The following SMTN variants were observed in gnomAD, a reference collection of about 807,000 sequenced individuals.
SMTN encodes the protein smoothelin.
SMTN carries 58 observed loss-of-function variants against 102.0 expected under a neutral mutation model. The observed-to-expected ratio is 0.57, with a 90% CI of 0.46 to 0.71. The LOEUF is 0.71. Among genes scored for constraint, SMTN ranks in the 30% least tolerant of loss-of-function variants. The probability of loss-of-function intolerance (pLI) is 0.00; values close to 1 mark genes in which losing one functional copy is unlikely to be tolerated. For missense variants in SMTN, 1,185 were observed against 1,241.7 expected (o/e 0.95, Z 0.69); for synonymous variants, 478 against 497.9 (o/e 0.96, Z 0.53).
chr22:31,071,694 CTCTT>C (rs1455351053), intron 1 of SMTN, among the ~76,000 whole-genome samples: 25 of 136,816 alleles, frequency 1.8e-4, no homozygotes, highest in African/African-American at 3.1e-4. Flanking sequence ...CTCTCTCTCT[CTCTT>C]TTTTTTTTTT....
At position 31,087,968 on chromosome 22, in the gene SMTN, G is replaced by C; in HGVS notation, c.55G>C (p.Glu19Gln). The C allele has an allele frequency of 1.9e-6, 3 of 1,589,528 alleles. No individual in the cohort carries two copies. Among genetic ancestry groups the C allele is most frequent in the Non-Finnish European group, 2.6e-6 (3 of 1,163,696 alleles). The change falls in exon 3 of 21, where the codon GAG becomes CAG. Residue 19 changes from glutamate to glutamine, a missense_variant. Glu to Gln is a conservative substitution (Grantham distance 29). Around this residue, in one of 2 missense-constraint regions of SMTN, gnomAD observed 1,096 missense variants for 1,112.7 expected, o/e 0.98. Transcript: ENST00000333137. ...LDEGALRKLL[E>Q]VTADLAERRR... ...CTGCCTCTCGCACCCACTGCAGCTG[G>C]AGGTCACAGCAGATCTGGCAGAGCG...
chr22:31,081,686 G>T (rs1166771772), intron 1 of SMTN, among the ~76,000 whole-genome samples: 1 of 152,240 alleles, frequency 6.6e-6, no homozygotes, highest in Non-Finnish European at 1.5e-5. Flanking sequence ...AGAAACCCTG[G>T]GGAAGCTGCC....
chr22:31,079,736 G>A (rs1246092464), upstream of SMTN, among the ~76,000 whole-genome samples: 1 of 152,186 alleles, frequency 6.6e-6, no homozygotes, highest in African/African-American at 2.4e-5. Context: ...GTGTAGCATT[G>A]ACAAGTCGCT....
rs748157575 is a variant in SMTN at position 31,093,766 on chromosome 22, C to G, written c.1633-1537C>G. 1.8e-5 allele frequency: 28 copies of G among 1,589,126 alleles called. No homozygotes were observed. In the African/African-American group the frequency reaches 2.9e-4, roughly 17 times the overall value. On this transcript the variant is annotated intron_variant, in intron 11 of 20. Transcript: ENST00000333137. ...CGAGCTGCTCCTGGCTGCCGCCGAC[C>G]CCGAGGCCCTCTTTCAGGCTGCCGA... is the stretch of plus-strand genomic sequence containing the variant.
chr22:31,085,264 A>C (rs1016649256), intron 2 of SMTN: 1 of 1,516,234 alleles, frequency 6.6e-7, no homozygotes, highest in African/African-American at 1.4e-5. Flanking sequence ...CTACCTGGCT[A>C]CCCCTTCGGC....
chr22:31,098,676 C>T lies in SMTN; in HGVS notation c.2169C>T (p.Asp723=), dbSNP rs1184032790. Residue 723 remains aspartate, a synonymous_variant, in exon 17 of 21, where the codon GAC becomes GAT. Transcript: ENST00000333137. ...SSSKKMGSIF[D]REDQASPRAG... ...CCTCCCCAACCCCTAGCATCTTCGA[C>T]CGCGAGGACCAGGCCAGCCCACGGG... 6.2e-7 allele frequency: 1 copy of T among 1,613,212 alleles called. No individual in the cohort carries two copies. The highest frequency in any genetic ancestry group is 1.3e-5 in the African/African-American group (1 of 74,924).
At chr22:31,090,239 T>C in intron 8 of SMTN, 59 bp downstream of exon 8, 2 of 1,419,142 alleles carry the variant, frequency 1.4e-6, no homozygotes, top group Non-Finnish European at 9.7e-7. Flanking sequence ...CTGCCTCCCT[T>C]TCCCTGCCTA....
chr22:31,083,084 G>A (rs2042419037), intron 1 of SMTN, 95 bp from the exon 2 acceptor site: 7 of 1,501,198 alleles, frequency 4.7e-6, no homozygotes, highest in South Asian at 3.6e-5. Context: ...AGTAATGGAC[G>A]CTCCTAGGTT....
chr22:31,086,869 TA>T (rs528670966), intron 2 of SMTN, among the ~76,000 whole-genome samples: 4 of 152,170 alleles, frequency 2.6e-5, no homozygotes, highest in Non-Finnish European at 5.9e-5. Context: ...TGCTGAAAAC[TA>T]TCTCCATCCC....
At position 31,098,771 on chromosome 22, in the gene SMTN, T is replaced by G; in HGVS notation, c.2264T>G (p.Leu755Arg). ...AAAGAGCTGATGAAGGCGCAGAGTC[T>G]GCCCAAGACCTCAGCCTCCCAGGCG... ...KKKELMKAQS[L>R]PKTSASQARK... The change falls in exon 17 of 21, where the codon CTG becomes CGG. Residue 755 changes from leucine (L) to arginine (R), a missense_variant. By Grantham distance (102) the Leu-to-Arg change is moderately radical. Around this residue, in one of 2 missense-constraint regions of SMTN, gnomAD observed 1,096 missense variants for 1,112.7 expected, o/e 0.98. Transcript: ENST00000333137. 4 of 1,613,182 alleles carry G rather than the reference T, an allele frequency of 2.5e-6. No individual in the cohort carries two copies. Among genetic ancestry groups the G allele is most frequent in the Non-Finnish European group, 2.5e-6 (3 of 1,179,862 alleles).
chr22:31,089,569 T>C, intron 6 of SMTN, 130 bp from the exon 7 acceptor site: 1 of 800,506 alleles, frequency 1.2e-6, no homozygotes, highest in Non-Finnish European at 2.0e-6. Flanking sequence ...CAGGTGTGCC[T>C]ACAGGAAGCC....
intron 17 of SMTN, 49 bp downstream of exon 17, chr22:31,098,889 A>G: frequency 8.2e-7 from 1 of 1,219,372 alleles, no homozygotes; most frequent in Non-Finnish European, 1.2e-6. Context: ...CGTGATAGGC[A>G]GTGGGGGGCG....
upstream of SMTN, chr22:31,080,312 G>A (rs2042243057): frequency 6.6e-6 from 1 of 152,244 alleles, no homozygotes; most frequent in South Asian, 2.1e-4. Context: ...ATGAATCACA[G>A]CTTTACTACT....
At chr22:31,098,140 G>A (rs927261608) in intron 16 of SMTN, among the ~76,000 whole-genome samples, 2 of 152,148 alleles carry the variant, frequency 1.3e-5, no homozygotes, top group South Asian at 2.1e-4. Context: ...AGAACCAAAG[G>A]GGTCCAGAGA....
At chr22:31,076,494 CT>C (rs1198215755), upstream of SMTN, among the ~76,000 whole-genome samples, 2 of 152,230 alleles carry the variant, frequency 1.3e-5, no homozygotes. Context: ...GCCTCAGTTT[CT>C]TTGCCCATAA....
chr22:31,096,106 C>T, intron 13 of SMTN: 1 of 179,740 alleles, frequency 5.6e-6, no homozygotes, highest in South Asian at 1.1e-4. Flanking sequence ...ATTGCTTCTC[C>T]TCTCAAACAC....
At chr22:31,098,880 G>GATAGGCTGTGGGGGGCGGGGCT in intron 17 of SMTN, 40 bp downstream of exon 17, 1 of 1,529,400 alleles carries the variant, frequency 6.5e-7, no homozygotes, top group Non-Finnish European at 8.9e-7. Flanking sequence ...GGGGCGGGGC[G>GATAGGCTGTGGGGGGCGGGGCT]TGATAGGCAG....
intron 1 of SMTN, among the ~76,000 whole-genome samples, chr22:31,074,774 G>A (rs185323840): frequency 1.1e-4 from 17 of 152,026 alleles, no homozygotes; most frequent in African/African-American, 4.1e-4. Context: ...TCCAGCCTGG[G>A]TGACAAGAGT....
intron 1 of SMTN, among the ~76,000 whole-genome samples, chr22:31,075,820 GTTTTGTTTTGTTTTGT>G (rs2042115235): frequency 6.6e-6 from 1 of 152,078 alleles, no homozygotes; most frequent in South Asian, 2.1e-4. Context: ...AAGGGTTTTT[GTTTTGTTTTGTTTTGT>G]TTTTGTTTTT....
Sources: gnomAD v4.1 joint callset for allele counts (sites outside exome capture counted in the v4.1 genomes callset) on GRCh38, gnomAD v4.1.1 for gene constraint, gnomAD v4.1.1 regional missense constraint, MANE v1.5 for transcripts, NCBI Gene and HGNC (gene_info 2026-07-23, HGNC 2026-07-21) for gene names.